TMEM132C: variants seen among roughly 807,000 people sequenced by gnomAD.
TMEM132C encodes the protein protein phosphatase 1, regulatory subunit 152.
Under a neutral mutation model 61.4 loss-of-function variants are expected in TMEM132C, and 29 were observed. The ratio of observed to expected loss-of-function variants is 0.47; its 90% confidence interval spans 0.35 to 0.64. The LOEUF is 0.64. Among genes scored for constraint, TMEM132C ranks in the 30% least tolerant of loss-of-function variants. TMEM132C has a pLI of 0.00. For missense variants in TMEM132C, 1,408 were observed against 1,476.9 expected, an observed-to-expected ratio of 0.95 and a Z score of 0.76; for synonymous variants, 656 against 633.1, an observed-to-expected ratio of 1.04 and a Z score of -0.54.
chr12:128,559,222 A>T (rs1340804070), intron 3 of TMEM132C, among the ~76,000 whole-genome samples: 2 of 151,128 alleles, frequency 1.3e-5, no homozygotes, highest in East Asian at 3.9e-4. Context: ...AACTTCAAAC[A>T]ATTTTTTTTA....
chr12:128,465,309 C>T (rs1870693336), intron 2 of TMEM132C, among the ~76,000 whole-genome samples: 1 of 152,002 alleles, frequency 6.6e-6, no homozygotes, highest in Non-Finnish European at 1.5e-5. Context: ...AGCCATTCTC[C>T]TGACTCAGCC....
intron 2 of TMEM132C, among the ~76,000 whole-genome samples, chr12:128,529,682 A>G (rs907940851): frequency 6.6e-6 from 1 of 152,170 alleles, no homozygotes; most frequent in African/African-American, 2.4e-5. Context: ...GCTTCTCAGG[A>G]GGCTGAGGCA....
intron 3 of TMEM132C, among the ~76,000 whole-genome samples, chr12:128,547,250 C>T (rs1412139587): frequency 6.6e-6 from 1 of 152,176 alleles, no homozygotes; most frequent in African/African-American, 2.4e-5. Context: ...CCCACCAAGG[C>T]CATGACTGTG....
At chr12:128,481,324 G>T (rs1871309847) in intron 2 of TMEM132C, among the ~76,000 whole-genome samples, 1 of 152,234 alleles carries the variant, frequency 6.6e-6, no homozygotes, top group African/African-American at 2.4e-5. Context: ...AGGCACTGGA[G>T]GATCGTGAAG....
At chr12:128,466,566 C>T (rs1565944361) in intron 2 of TMEM132C, among the ~76,000 whole-genome samples, 1 of 152,194 alleles carries the variant, frequency 6.6e-6, no homozygotes, top group African/African-American at 2.4e-5. Flanking sequence ...ACTGTGTCTT[C>T]TGCAGCTCAG....
chr12:128,337,239 A>T (rs947480333), intron 1 of TMEM132C, among the ~76,000 whole-genome samples: 2 of 152,036 alleles, frequency 1.3e-5, no homozygotes, highest in Non-Finnish European at 2.9e-5. Flanking sequence ...CCTGAAGATT[A>T]TAGTGTCTGG....
At chr12:128,438,254 A>AT (rs1382091529) in intron 2 of TMEM132C, 1 of 151,952 alleles carries the variant, frequency 6.6e-6, no homozygotes, top group Non-Finnish European at 1.5e-5. Flanking sequence ...TGTTTGGGTC[A>AT]TGGGGGTAGA....
At chr12:128,695,797 T>A in intron 6 of TMEM132C, 33 bp from the exon 7 acceptor site, 1 of 1,511,014 alleles carries the variant, frequency 6.6e-7, no homozygotes, top group Non-Finnish European at 8.9e-7. Context: ...CTCCTCTCCC[T>A]GGATCTGAGA....
In TMEM132C at chr12:128,297,920, ATT is replaced by A. The variant is rs141233442; in HGVS notation, c.85+30435_85+30436del. 1.2e-3 allele frequency among the ~76,000 whole-genome samples: 179 copies of A among 152,274 alleles called. 5 individuals carry two copies. In the East Asian group the frequency reaches 0.029, roughly 25 times the overall value. On this transcript the variant is annotated intron_variant, in intron 1 of 8. Transcript: ENST00000435159. Reference sequence around the variant, plus strand: ...CAAATGGAAGAAAACCCAACAAAATATTTGTTTTCTCATGATGATGACTTCAA... The same window carrying A: ...CAAATGGAAGAAAACCCAACAAAATATGTTTTCTCATGATGATGACTTCAA...
rs538046470 is a variant in TMEM132C at position 128,431,645 on chromosome 12, C to G, written c.974+16025C>G. ...TCTCGGCTCACTGCAACCTCTGCCT[C>G]TCGGGTTCAAGCGATTCTCCTACCT... On this transcript the variant is annotated intron_variant, in intron 2 of 8. Coordinates refer to ENST00000435159, the MANE Select transcript of TMEM132C (RefSeq NM_001136103.3). Among the ~76,000 whole-genome samples the G allele has an allele frequency of 1.0e-4, 15 of 149,586 alleles. 1 individual carries two copies. The East Asian group carries it at 1.6e-3, about 16-fold the overall frequency.
chr12:128,365,532 T>TTCTTTCCCG (rs1377818810), intron 1 of TMEM132C, among the ~76,000 whole-genome samples: 1 of 152,202 alleles, frequency 6.6e-6, no homozygotes, highest in Non-Finnish European at 1.5e-5. Flanking sequence ...CTCCCCCTAC[T>TTCTTTCCCG]TCTTTCCCGA....
At chr12:128,417,688 G>A (rs1386260766) in intron 2 of TMEM132C, among the ~76,000 whole-genome samples, 2 of 152,148 alleles carry the variant, frequency 1.3e-5, no homozygotes, top group Non-Finnish European at 2.9e-5. Context: ...TTTGCAGGGT[G>A]CTCATAACAG....
chr12:128,306,936 G>A (rs912396365), intron 1 of TMEM132C, among the ~76,000 whole-genome samples: 5 of 152,152 alleles, frequency 3.3e-5, no homozygotes, highest in African/African-American at 1.2e-4. Context: ...CAAAGAGTGA[G>A]CCCTACTAAA....
chr12:128,517,386 G>T (rs1872756653), intron 2 of TMEM132C, among the ~76,000 whole-genome samples: 1 of 151,962 alleles, frequency 6.6e-6, no homozygotes, highest in Admixed American at 6.6e-5. Flanking sequence ...AGTGAGCCGA[G>T]ATCACACCAC....
chr12:128,516,282 G>A (rs1872715249), intron 2 of TMEM132C, among the ~76,000 whole-genome samples: 1 of 152,198 alleles, frequency 6.6e-6, no homozygotes, highest in East Asian at 1.9e-4. Context: ...ATAAACCTGT[G>A]GAACATTCTT....
chr12:128,549,760 G>A (rs959985177), intron 3 of TMEM132C, among the ~76,000 whole-genome samples: 19 of 152,040 alleles, frequency 1.2e-4, no homozygotes, highest in African/African-American at 4.3e-4. Context: ...TGTGTGCCTC[G>A]CGCTCTCCAA....
intron 1 of TMEM132C, among the ~76,000 whole-genome samples, chr12:128,271,479 A>C (rs1870520573): frequency 6.6e-6 from 1 of 152,148 alleles, no homozygotes; most frequent in Non-Finnish European, 1.5e-5. Flanking sequence ...AATTTTATCA[A>C]ATGCTCTTTT....
intron 3 of TMEM132C, among the ~76,000 whole-genome samples, chr12:128,586,744 A>C (rs955864774): frequency 6.6e-6 from 1 of 152,234 alleles, no homozygotes; most frequent in Admixed American, 6.5e-5. Context: ...GTCTTACATA[A>C]AGCCGATTTA....
At chr12:128,614,188 A>C (rs1449691233) in intron 3 of TMEM132C, among the ~76,000 whole-genome samples, 1 of 152,218 alleles carries the variant, frequency 6.6e-6, no homozygotes, top group African/African-American at 2.4e-5. Context: ...AAGCTCGGCC[A>C]ACTTCCCCTT....
Sources: gnomAD v4.1 joint callset for allele counts (sites outside exome capture counted in the v4.1 genomes callset) on GRCh38, gnomAD v4.1.1 for gene constraint, MANE v1.5 for transcripts, NCBI Gene and HGNC (gene_info 2026-07-23, HGNC 2026-07-21) for gene names.